The following COX7B2 variants were observed in gnomAD, a reference collection of about 807,000 sequenced individuals.
COX7B2 encodes the protein cytochrome c oxidase subunit 7B2, mitochondrial.
For missense variants in COX7B2, 109 were observed against 95.9 expected (o/e 1.14, Z -0.57); for synonymous variants, 37 against 32.1 (o/e 1.15, Z -0.51).
At chr4:46,838,574 T>TAG (rs1323737414) in intron 2 of COX7B2, among the ~76,000 whole-genome samples, 1 of 152,076 alleles carries the variant, frequency 6.6e-6, no homozygotes, top group Non-Finnish European at 1.5e-5. Context: ...TAACCCTGGG[T>TAG]AGAGTAACAG....
intron 2 of COX7B2, among the ~76,000 whole-genome samples, chr4:46,749,463 A>G (rs1715217020): frequency 6.6e-6 from 1 of 152,134 alleles, no homozygotes; most frequent in Non-Finnish European, 1.5e-5. Context: ...AAACATGACT[A>G]TATCACATCC....
chr4:46,904,300 TA>T (rs1048232259), intron 1 of COX7B2, among the ~76,000 whole-genome samples: 1 of 152,008 alleles, frequency 6.6e-6, no homozygotes, highest in Non-Finnish European at 1.5e-5. Context: ...ACTCACATGA[TA>T]GGCAAAAGAT....
intron 1 of COX7B2, among the ~76,000 whole-genome samples, chr4:46,853,081 A>G (rs1716791888): frequency 6.6e-6 from 1 of 152,162 alleles, no homozygotes; most frequent in Admixed American, 6.5e-5. Context: ...CACACATAAA[A>G]CAAGGTTATG....
intron 1 of COX7B2, among the ~76,000 whole-genome samples, chr4:46,890,874 G>C (rs905392698): frequency 3.9e-5 from 6 of 152,144 alleles, no homozygotes; most frequent in Non-Finnish European, 5.9e-5. Flanking sequence ...TTGCACAGAG[G>C]ATAATAGCAT....
At chr4:46,899,985 C>A (rs759730610) in intron 1 of COX7B2, among the ~76,000 whole-genome samples, 29 of 152,104 alleles carry the variant, frequency 1.9e-4, no homozygotes, top group Non-Finnish European at 3.7e-4. Context: ...AATATATTCA[C>A]TATATAGTCA....
At position 46,782,074 on chromosome 4, in the gene COX7B2, G is replaced by A. The variant is rs555806620; in HGVS notation, c.-49-46833C>T. Reference sequence around the variant, plus strand: ...GTGGCGCGGACTGGTGGGCAGCTCTGCCCATGGCCCCTGCGCAGGATCCAC... The same window carrying A: ...GTGGCGCGGACTGGTGGGCAGCTCTACCCATGGCCCCTGCGCAGGATCCAC... On this transcript the variant is annotated intron_variant, in intron 2 of 2. Transcript: ENST00000355591. 7.2e-5 allele frequency among the ~76,000 whole-genome samples: 11 copies of A among 152,308 alleles called. No individual in the cohort carries two copies. The South Asian group carries it at 2.1e-3, about 29-fold the overall frequency.
chr4:46,799,812 AT>A (rs1303292556), intron 2 of COX7B2, among the ~76,000 whole-genome samples: 1 of 151,902 alleles, frequency 6.6e-6, no homozygotes, highest in Non-Finnish European at 1.5e-5. Flanking sequence ...CTGAAGTTTT[AT>A]TTTTTCATTG....
chr4:46,883,357 G>A (rs75472620), intron 1 of COX7B2, among the ~76,000 whole-genome samples: 1,666 of 149,258 alleles, frequency 0.011, 26 homozygotes, highest in African/African-American at 0.039. Context: ...CACTAATTTG[G>A]CCTTTTCAGA....
At chr4:46,745,771 G>A (rs978611457) in intron 2 of COX7B2, among the ~76,000 whole-genome samples, 1 of 152,128 alleles carries the variant, frequency 6.6e-6, no homozygotes, top group Non-Finnish European at 1.5e-5. Context: ...AAGAAAGCAA[G>A]CCTGAAAGAG....
intron 2 of COX7B2, among the ~76,000 whole-genome samples, chr4:46,786,891 T>C (rs895202411): frequency 5.3e-5 from 8 of 152,150 alleles, no homozygotes; most frequent in African/African-American, 1.7e-4. Context: ...TCTAAGAAGT[T>C]TGAATCTGGG....
intron 1 of COX7B2, among the ~76,000 whole-genome samples, chr4:46,860,739 G>C (rs958621822): frequency 6.6e-6 from 1 of 152,026 alleles, no homozygotes; most frequent in African/African-American, 2.4e-5. Context: ...TTTCCTCCCT[G>C]CAATGTACGT....
At chr4:46,798,239 A>G (rs977220500) in intron 2 of COX7B2, among the ~76,000 whole-genome samples, 1 of 152,194 alleles carries the variant, frequency 6.6e-6, no homozygotes. Flanking sequence ...GTGAAGGAAA[A>G]GTCATTGCAA....
In COX7B2 at chr4:46,768,495, G is replaced by C. The variant is rs143631693; in HGVS notation, c.-49-33254C>G. On this transcript the variant is annotated intron_variant, in intron 2 of 2. Transcript: ENST00000355591. The stretch of plus-strand genomic sequence containing the variant: ...TGGCAGGCCAAAAGGCAAAATTCTG[G>C]TGGGAAAATGGAGATGTGAAGTTCT... 3.3e-5 allele frequency among the ~76,000 whole-genome samples: 5 copies of C among 152,272 alleles called. No individual in the cohort carries two copies. In the East Asian group the frequency reaches 9.7e-4, roughly 29 times the overall value.
intron 2 of COX7B2, among the ~76,000 whole-genome samples, chr4:46,747,460 C>T (rs531444509): frequency 6.6e-5 from 10 of 151,964 alleles, no homozygotes; most frequent in Middle Eastern, 3.4e-3. Context: ...TGTGCCACCA[C>T]GCCTGGCTAA....
At position 46,899,330 on chromosome 4, in the gene COX7B2, C is replaced by T. The variant is rs1022160371; in HGVS notation, c.-105+9830G>A. On this transcript the variant is annotated intron_variant, in intron 1 of 2. Transcript: ENST00000355591. ...ATTAGAAAATAAAAAGAATGTGAAA[C>T]CTTGTAACTAGAATCTAAAAGATGA... Among the ~76,000 whole-genome samples, 4 of 152,222 alleles carry T rather than the reference C, an allele frequency of 2.6e-5. No individual in the cohort carries two copies. In the South Asian group the frequency reaches 8.3e-4, roughly 32 times the overall value.
intron 2 of COX7B2, among the ~76,000 whole-genome samples, chr4:46,785,530 A>G (rs6821317): frequency 0.61 from 91,939 of 151,772 alleles, 27,845 homozygotes; most frequent in South Asian, 0.7. Flanking sequence ...CCGCCACCAC[A>G]CCCGGCTATG....
chr4:46,756,361 G>GA (rs1715800423), intron 2 of COX7B2, among the ~76,000 whole-genome samples: 1 of 151,592 alleles, frequency 6.6e-6, no homozygotes, highest in Non-Finnish European at 1.5e-5. Context: ...AAAATCCTAG[G>GA]AAAATCCTCT....
chr4:46,752,365 C>G (rs974550231), intron 2 of COX7B2, among the ~76,000 whole-genome samples: 2 of 151,618 alleles, frequency 1.3e-5, no homozygotes, highest in African/African-American at 4.8e-5. Flanking sequence ...CATCTGCAAA[C>G]AGGGACAATT....
intron 1 of COX7B2, among the ~76,000 whole-genome samples, chr4:46,908,417 A>G (rs1344177291): frequency 6.6e-6 from 1 of 152,172 alleles, no homozygotes; most frequent in Non-Finnish European, 1.5e-5. Flanking sequence ...TGAGTCCCTC[A>G]AAGCTTATTG....
Sources: allele counts gnomAD v4.1 joint callset (sites outside exome capture counted in the v4.1 genomes callset), GRCh38; gene constraint gnomAD v4.1.1; transcripts MANE v1.5; gene names NCBI Gene and HGNC (gene_info 2026-07-23, HGNC 2026-07-21).